Variants in WDR7 observed in about 807,000 individuals in gnomAD.
The protein encoded by WDR7 is WD repeat domain 7, also known as WD repeat-containing protein 7.
A neutral mutation model predicts 169.4 loss-of-function variants in WDR7; 46 were observed. That is an observed-to-expected ratio of 0.27 (90% CI 0.21 to 0.35). The LOEUF (loss-of-function observed/expected upper bound fraction) is 0.35, where lower values mean the gene tolerates loss of function less well. WDR7 is among the 10% of genes least tolerant of loss of function. WDR7 has a pLI of 1.00. For missense variants in WDR7, 1,534 were observed against 1,859.3 expected (o/e 0.83, Z 3.22); for synonymous variants, 612 against 666.8 (o/e 0.92, Z 1.27).
chr18:56,956,867 T>G (rs984992789), intron 25 of WDR7, among the ~76,000 whole-genome samples: 4 of 152,200 alleles, frequency 2.6e-5, no homozygotes, highest in Non-Finnish European at 4.4e-5. Context: ...AAAGTCACTT[T>G]GTGTAAATTA....
intron 1 of WDR7, among the ~76,000 whole-genome samples, chr18:56,657,280 C>T (rs2024797951): frequency 6.6e-6 from 1 of 151,998 alleles, no homozygotes; most frequent in Non-Finnish European, 1.5e-5. Context: ...GCCTCAGCCT[C>T]CCTAGTAGCT....
intron 12 of WDR7, among the ~76,000 whole-genome samples, chr18:56,706,939 C>T (rs1456739485): frequency 6.8e-6 from 1 of 147,748 alleles, no homozygotes; most frequent in African/African-American, 2.5e-5. Context: ...CTCAGTCTCC[C>T]AGATTGCTGG....
At chr18:56,886,169 A>AT (rs1163756067) in intron 21 of WDR7, among the ~76,000 whole-genome samples, 1 of 152,206 alleles carries the variant, frequency 6.6e-6, no homozygotes, top group East Asian at 1.9e-4. Flanking sequence ...ACCTAGGCAC[A>AT]TAGTCATCAG....
At chr18:56,769,086 T>C (rs2044112536) in intron 16 of WDR7, among the ~76,000 whole-genome samples, 1 of 151,946 alleles carries the variant, frequency 6.6e-6, no homozygotes. Flanking sequence ...ATACAGTTTA[T>C]TTTTTTTGAC....
intron 26 of WDR7, among the ~76,000 whole-genome samples, chr18:57,017,477 C>CTGTG (rs57440164): frequency 0.1 from 13,403 of 134,554 alleles, 728 homozygotes; most frequent in East Asian, 0.24. Context: ...CCAAGTCATG[C>CTGTG]TGTGTGTGTG....
rs1474572999 is a variant in WDR7, at chr18:56,756,845, A to G, written c.2252A>G (p.Lys751Arg). ...TTCCAACAAGTGAAAGAAACGATCA[A>G]AGAGAACATCAAGGAACACCTCCTT... Reference protein sequence around the residue: ...VLFQQVKETIKENIKEHLLDD... With the variant: ...VLFQQVKETIRENIKEHLLDD... Residue 751 changes from lysine to arginine, a missense_variant, in exon 15 of 28, where the codon AAA (lysine) becomes AGA (arginine). Transcript: ENST00000254442. The G allele has an allele frequency of 6.2e-7, 1 of 1,614,130 alleles. No individual in the cohort carries two copies.
intron 12 of WDR7, among the ~76,000 whole-genome samples, chr18:56,709,992 A>G (rs1188591226): frequency 6.9e-6 from 1 of 144,564 alleles, no homozygotes; most frequent in African/African-American, 2.6e-5. Flanking sequence ...CACAATTTAT[A>G]TATATATATA....
At chr18:56,885,705 T>C (rs1356789072) in intron 21 of WDR7, among the ~76,000 whole-genome samples, 2 of 151,244 alleles carry the variant, frequency 1.3e-5, no homozygotes, top group Non-Finnish European at 2.9e-5. Flanking sequence ...CGGGCACCTG[T>C]AGTCCCAGCT....
intron 21 of WDR7, among the ~76,000 whole-genome samples, chr18:56,896,620 T>TAC (rs558222398): frequency 2.0e-3 from 297 of 151,972 alleles, no homozygotes; most frequent in African/African-American, 6.8e-3. Flanking sequence ...ATGGTATATA[T>TAC]ACTATTAGCT....
intron 26 of WDR7, among the ~76,000 whole-genome samples, chr18:57,007,186 A>C (rs1438523934): frequency 6.6e-6 from 1 of 152,090 alleles, no homozygotes; most frequent in African/African-American, 2.4e-5. Flanking sequence ...TCACCATGTT[A>C]GCCACGATAG....
rs528566490 is a variant in WDR7 at position 56,698,143 on chromosome 18, T to C, written c.1578+1681T>C. 2.6e-5 allele frequency among the ~76,000 whole-genome samples: 4 copies of C among 151,776 alleles called. No homozygotes were observed. In the East Asian group the frequency reaches 7.8e-4, roughly 30 times the overall value. On this transcript the variant is annotated intron_variant, in intron 12 of 27. Transcript: ENST00000254442. ...CTGGGAGGCAGGGGTTGCAGTGAGC[T>C]GAGATCGTACCCTTGCACTCCAACC...
intron 25 of WDR7, among the ~76,000 whole-genome samples, chr18:56,942,166 C>T (rs550187438): frequency 1.8e-4 from 27 of 152,210 alleles, no homozygotes; most frequent in African/African-American, 5.1e-4. Context: ...GTTTAAGGAC[C>T]GGGTATGGGG....
intron 21 of WDR7, among the ~76,000 whole-genome samples, chr18:56,916,276 C>T (rs921593591): frequency 1.2e-4 from 18 of 151,522 alleles, no homozygotes; most frequent in African/African-American, 4.4e-4. Context: ...CCTCCCGCCA[C>T]CCCACGACAG....
At chr18:57,026,463 G>A (rs935543033) in intron 27 of WDR7, among the ~76,000 whole-genome samples, 1 of 152,200 alleles carries the variant, frequency 6.6e-6, no homozygotes, top group Non-Finnish European at 1.5e-5. Flanking sequence ...TTTTTAAAAA[G>A]CAAGTGAAGA....
In WDR7 at chr18:56,962,655, A is replaced by G. The variant is rs8083904; in HGVS notation, c.4164+126A>G. 4,082 of 827,622 alleles carry G rather than the reference A, an allele frequency of 4.9e-3. 16 individuals carry two copies. The highest frequency in any genetic ancestry group is 6.6e-3 in the Non-Finnish European group (3,371 of 509,970). The allele number at this position is 827,622 out of a possible 1,614,324, so 51.3% of individuals were successfully genotyped here. ...ATTATGGATAATGCTAAAGGGATCA[A>G]TAGTTTAATGAAGGACGCACAGAAT... is the stretch of plus-strand genomic sequence containing the variant. On this transcript the variant is annotated intron_variant, in intron 26 of 27. Transcript: ENST00000254442.
intron 21 of WDR7, among the ~76,000 whole-genome samples, chr18:56,904,694 G>T (rs549642218): frequency 6.6e-6 from 1 of 152,188 alleles, no homozygotes; most frequent in Non-Finnish European, 1.5e-5. Context: ...AGAGTCTTTT[G>T]CTCTTATTTA....
intron 21 of WDR7, among the ~76,000 whole-genome samples, chr18:56,892,120 A>G (rs1223989536): frequency 6.6e-6 from 1 of 152,070 alleles, no homozygotes; most frequent in East Asian, 1.9e-4. Flanking sequence ...TTGTTAAGCC[A>G]CTACACTAAG....
chr18:56,990,424 A>T (rs1190508415), intron 26 of WDR7, among the ~76,000 whole-genome samples: 1 of 152,222 alleles, frequency 6.6e-6, no homozygotes, highest in Non-Finnish European at 1.5e-5. Flanking sequence ...TTTCATTTTA[A>T]ACTTCTTTTT....
chr18:56,678,962 G>A (rs1178441912), intron 2 of WDR7, among the ~76,000 whole-genome samples: 7 of 152,198 alleles, frequency 4.6e-5, no homozygotes, highest in Non-Finnish European at 8.8e-5. Flanking sequence ...TTGGACTGGG[G>A]GGTGGAATGA....
Sources: gnomAD v4.1 joint callset for allele counts (sites outside exome capture counted in the v4.1 genomes callset) on GRCh38, gnomAD v4.1.1 for gene constraint, MANE v1.5 for transcripts, NCBI Gene and HGNC (gene_info 2026-07-23, HGNC 2026-07-21) for gene names.